NCR1: variants seen among roughly 807,000 people sequenced by gnomAD.
NCR1 encodes natural cytotoxicity triggering receptor 1.
Under a neutral mutation model 32.5 loss-of-function variants are expected in NCR1, and 30 were observed. That is an observed-to-expected ratio of 0.92 (90% CI 0.69 to 1.25). The LOEUF is 1.25. Ranked by LOEUF, NCR1 falls within the 50% of genes most tolerant of loss-of-function variation. The pLI, the probability that NCR1 is intolerant of heterozygous loss-of-function variation, is 0.00. For synonymous variants in NCR1, 169 were observed against 143.4 expected, an observed-to-expected ratio of 1.18 and a Z score of -1.28; for missense variants, 369 against 380.7, an observed-to-expected ratio of 0.97 and a Z score of 0.26.
chr19:54,909,606 G>A, intron 4 of NCR1, 83 bp downstream of exon 4: 2 of 1,473,140 alleles, frequency 1.4e-6, no homozygotes, highest in South Asian at 1.3e-5. Context: ...GTGATGGGGA[G>A]GGTGTCCAAG....
In NCR1 at chr19:54,906,602, G is replaced by A; in HGVS notation, c.150G>A (p.Gln50=). The A allele has an allele frequency of 6.2e-7, 1 of 1,614,160 alleles. No individual in the cohort carries two copies. The highest frequency in any genetic ancestry group is 8.5e-7 in the Non-Finnish European group (1 of 1,180,052). Residue 50 remains glutamine, a synonymous_variant, in exon 3 of 7, where the codon CAG becomes CAA. Coordinates refer to ENST00000291890, the MANE Select transcript of NCR1 (RefSeq NM_004829.7). ...PKEKQVTICC[Q]GNYGAVEYQL... The stretch of plus-strand genomic sequence containing the variant: ...AAAAGCAAGTGACCATCTGTTGCCA[G>A]GGAAATTATGGGGCTGTTGAATACC...
At chr19:54,926,949 C>T in the NCR1 span, among the ~76,000 whole-genome samples, 2 of 143,240 alleles carry the variant, frequency 1.4e-5, no homozygotes, top group African/African-American at 5.2e-5. Flanking sequence ...AATTAGCCAG[C>T]TGTGGTGGTG....
chr19:54,927,531 G>A, the NCR1 span: 3 of 1,487,022 alleles, frequency 2.0e-6, no homozygotes, highest in Non-Finnish European at 2.8e-6. Flanking sequence ...ACTCCAGCCT[G>A]AATGACAGAG....
At chr19:54,937,843 G>A in the NCR1 span, among the ~76,000 whole-genome samples, 1 of 142,962 alleles carries the variant, frequency 7.0e-6, no homozygotes, top group Non-Finnish European at 1.5e-5. Context: ...GATGCAGTGA[G>A]CTGAGATCGC....
chr19:54,903,334 A>T (rs1374495524), upstream of NCR1, among the ~76,000 whole-genome samples: 1 of 134,632 alleles, frequency 7.4e-6, no homozygotes, highest in Non-Finnish European at 1.6e-5. Flanking sequence ...ATATACATGT[A>T]TGTATATACA....
the NCR1 span, among the ~76,000 whole-genome samples, chr19:54,930,144 G>C: frequency 5.5e-5 from 8 of 144,740 alleles, no homozygotes; most frequent in African/African-American, 2.0e-4. Flanking sequence ...AGAAAACATA[G>C]AAATTAAGGA....
chr19:54,930,394 C>T, the NCR1 span: 12 of 782,522 alleles, frequency 1.5e-5, no homozygotes, highest in Non-Finnish European at 2.0e-5. Flanking sequence ...CCTGGAAGAC[C>T]GAAGCCGCAG....
chr19:54,915,265 TGCA>T (rs2068110310), downstream of NCR1, among the ~76,000 whole-genome samples: 1 of 152,134 alleles, frequency 6.6e-6, no homozygotes, highest in African/African-American at 2.4e-5. Context: ...TGGCACAGCC[TGCA>T]ACTTGAGACT....
At chr19:54,902,466 A>T (rs765735202), upstream of NCR1, among the ~76,000 whole-genome samples, 2 of 151,792 alleles carry the variant, frequency 1.3e-5, no homozygotes, top group Non-Finnish European at 2.9e-5. Context: ...ACACCTGGCT[A>T]ATTTTTGCAT....
At chr19:54,932,715 GC>G in the NCR1 span, among the ~76,000 whole-genome samples, 2 of 151,966 alleles carry the variant, frequency 1.3e-5, no homozygotes, top group Non-Finnish European at 1.5e-5. Flanking sequence ...GAGTGCAGTG[GC>G]GCCATCTCAG....
intron 6 of NCR1, 52 bp from the exon 7 acceptor site, chr19:54,912,638 A>AAAAAAATT: frequency 2.0e-6 from 1 of 505,568 alleles, no homozygotes; most frequent in Non-Finnish European, 3.4e-6. Context: ...AAAAAAAAAA[A>AAAAAAATT]GAGGGTGTCC....
At chr19:54,925,077 G>A in the NCR1 span, among the ~76,000 whole-genome samples, 2 of 152,104 alleles carry the variant, frequency 1.3e-5, no homozygotes, top group Non-Finnish European at 2.9e-5. Flanking sequence ...GAACATGAGG[G>A]GTGGTGATTG....
chr19:54,925,435 G>C, the NCR1 span, among the ~76,000 whole-genome samples: 1 of 152,142 alleles, frequency 6.6e-6, no homozygotes, highest in Admixed American at 6.6e-5. Context: ...CACATGCTTA[G>C]CGTTCCAATA....
the NCR1 span, among the ~76,000 whole-genome samples, chr19:54,933,290 C>A: frequency 3.3e-5 from 5 of 152,084 alleles, no homozygotes; most frequent in Non-Finnish European, 7.4e-5. Context: ...GGACTACAGG[C>A]ATCCGCCACC....
Position 54,906,299 on chromosome 19 carries a change from G to A in NCR1, c.35G>A (p.Gly12Glu). 1.2e-6 allele frequency: 2 copies of A among 1,614,040 alleles called. No homozygotes were observed. Among genetic ancestry groups the A allele is most frequent in the Non-Finnish European group, 1.7e-6 (2 of 1,180,036 alleles). The change falls in exon 2 of 7, where the codon GGG becomes GAG. Residue 12 changes from glycine (G) to glutamate (E), a missense_variant and splice_region_variant. By Grantham distance (98) the Gly-to-Glu change is moderately conservative (BLOSUM62 -2). Coordinates refer to ENST00000291890, the MANE Select transcript of NCR1 (RefSeq NM_004829.7). The stretch of plus-strand genomic sequence containing the variant: ...AGGTCTCATTACTCCCGTCTTCCAG[G>A]GCTGTGTCTGAGTCAGAGGATCAGC... ...SSTLPALLCV[G>E]LCLSQRISAQ... is the part of the protein sequence containing the mutation.
At chr19:54,903,337 TATATACATATATGCATATATACATACA>T (rs1438404142), upstream of NCR1, among the ~76,000 whole-genome samples, 2 of 123,298 alleles carry the variant, frequency 1.6e-5, 1 homozygote, top group Non-Finnish European at 3.4e-5. Flanking sequence ...TACATGTATG[TATATACATATATGCATATATACATACA>T]TGTATATATA....
the NCR1 span, among the ~76,000 whole-genome samples, chr19:54,898,480 C>A: frequency 2.0e-5 from 3 of 152,116 alleles, no homozygotes; most frequent in African/African-American, 7.2e-5. Flanking sequence ...AATTGCAACT[C>A]AGAAATATGT....
chr19:54,929,063 G>A, the NCR1 span, among the ~76,000 whole-genome samples: 1 of 152,090 alleles, frequency 6.6e-6, no homozygotes, highest in East Asian at 1.9e-4. Context: ...ATTCCTCAGG[G>A]GGATGGGTTA....
At chr19:54,914,164 C>CTTTTTTTT (rs533441878), downstream of NCR1, among the ~76,000 whole-genome samples, 2 of 124,074 alleles carry the variant, frequency 1.6e-5, no homozygotes, top group African/African-American at 3.3e-5. Flanking sequence ...TCTTCTCTTC[C>CTTTTTTTT]TTTTTTTTTT....
Sources: gnomAD v4.1 joint callset for allele counts (sites outside exome capture counted in the v4.1 genomes callset) on GRCh38, gnomAD v4.1.1 for gene constraint, MANE v1.5 for transcripts, NCBI Gene and HGNC (gene_info 2026-07-23, HGNC 2026-07-21) for gene names.